The following ANKRD31 variants were observed in gnomAD, a reference collection of about 807,000 sequenced individuals.
ANKRD31 encodes the protein ankyrin repeat domain 31.
Under a neutral mutation model 186.0 loss-of-function variants are expected in ANKRD31, and 147 were observed. The observed-to-expected ratio is 0.79, with a 90% CI of 0.69 to 0.91. The LOEUF (loss-of-function observed/expected upper bound fraction) is 0.91, where lower values mean the gene tolerates loss of function less well. ANKRD31 is among the 40% of genes least tolerant of loss of function. ANKRD31 has a pLI of 0.00. For synonymous variants in ANKRD31, 673 were observed against 736.4 expected (o/e 0.91, Z 1.39); for missense variants, 1,986 against 2,148.8 (o/e 0.92, Z 1.50).
intron 16 of ANKRD31, among the ~76,000 whole-genome samples, chr5:75,138,529 GA>G (rs1180088416): frequency 2.0e-5 from 3 of 152,144 alleles, no homozygotes; most frequent in Non-Finnish European, 2.9e-5. Flanking sequence ...AGGAGAATGA[GA>G]AAATTCTGCA....
chr5:75,099,675 C>A (rs1004334741), intron 22 of ANKRD31, among the ~76,000 whole-genome samples: 2 of 152,034 alleles, frequency 1.3e-5, no homozygotes, highest in African/African-American at 2.4e-5. Flanking sequence ...TGTATGTGTC[C>A]AGGAATTTAT....
chr5:75,107,638 AG>A, intron 20 of ANKRD31, 21 bp from the exon 21 acceptor site: 3 of 1,438,690 alleles, frequency 2.1e-6, no homozygotes, highest in Non-Finnish European at 2.8e-6. Context: ...GACAATAAAA[AG>A]TTAGCTAACT....
chr5:75,230,596 G>A lies in ANKRD31; in HGVS notation c.144C>T (p.Phe48=), dbSNP rs1757887217. 2.0e-6 allele frequency: 3 copies of A among 1,536,834 alleles called. No individual in the cohort carries two copies. The highest frequency in any genetic ancestry group is 2.6e-6 in the Non-Finnish European group (3 of 1,146,748). The change falls in exon 2 of 26, where the codon TTC becomes TTT. Residue 48 remains phenylalanine, a synonymous_variant. Coordinates refer to ENST00000506364, the MANE Select transcript of ANKRD31 (RefSeq NM_001372053.1). The part of the protein sequence containing the change: ...FDQDASLKSE[F]SLHPDTRGMC... ...TTCCTCTTGTATCAGGATGCAGACT[G>A]AACTCAGATTTAAGAGATGCGTCTT...
chr5:75,146,773 C>A lies in ANKRD31; in HGVS notation c.2638G>T (p.Asp880Tyr). ...TTTTCCCATTTGTTAAATCTCTCAT[C>A]TTTTGGGACCAAGTTACTGTTTTCA... The part of the protein sequence containing the change: ...SHENSNLVPK[D>Y]ERFNKWENSF... Residue 880 changes from aspartate (D) to tyrosine (Y), a missense_variant, in exon 14 of 26, where the codon GAT (aspartate) becomes TAT (tyrosine). Coordinates refer to ENST00000506364, the MANE Select transcript of ANKRD31 (RefSeq NM_001372053.1). 6.5e-7 allele frequency: 1 copy of A among 1,536,220 alleles called. No homozygotes were observed. The highest frequency in any genetic ancestry group is 8.7e-7 in the Non-Finnish European group (1 of 1,146,300).
In ANKRD31 at chr5:75,116,182, T is replaced by C. The variant is rs893220453; in HGVS notation, c.4155+384A>G. 1.4e-4 allele frequency among the ~76,000 whole-genome samples: 21 copies of C among 145,128 alleles called. No individual in the cohort carries two copies. In the South Asian group the frequency reaches 2.2e-3, roughly 15 times the overall value. On this transcript the variant is annotated intron_variant, in intron 19 of 25. Coordinates refer to ENST00000506364, the MANE Select transcript of ANKRD31 (RefSeq NM_001372053.1). ...GAACAAAAAACCAAACACCGCATAT[T>C]CTCACTCATAGGTGGGAATTGAACA...
In ANKRD31 at chr5:75,115,853, A is replaced by G. The variant is rs576110561; in HGVS notation, c.4155+713T>C. ...AACCATTGTGCAAGTCAGTGTGGCG[A>G]TTCCTCAGGGATCTAGAACTAGAAA... On this transcript the variant is annotated intron_variant, in intron 19 of 25. Transcript: ENST00000506364. 3.9e-5 allele frequency among the ~76,000 whole-genome samples: 6 copies of G among 152,190 alleles called. No homozygotes were observed. In the South Asian group the frequency reaches 1.3e-3, roughly 32 times the overall value.
intron 4 of ANKRD31, among the ~76,000 whole-genome samples, chr5:75,207,124 TA>T (rs1048489346): frequency 4.6e-5 from 7 of 150,940 alleles, no homozygotes; most frequent in Non-Finnish European, 7.4e-5. Context: ...TACCTTCCTT[TA>T]AAAAAAAAGC....
chr5:75,118,416 G>A, intron 17 of ANKRD31, 119 bp from the exon 18 acceptor site: 1 of 1,012,862 alleles, frequency 9.9e-7, no homozygotes, highest in South Asian at 2.4e-5. Flanking sequence ...TCAAACTCAG[G>A]TCAAGAAAAT....
Position 75,147,160 on chromosome 5 carries a change from G to T in ANKRD31, c.2251C>A (p.Leu751Ile). 2 of 1,536,316 alleles carry T rather than the reference G, an allele frequency of 1.3e-6. No homozygotes were observed. The highest frequency in any genetic ancestry group is 1.7e-6 in the Non-Finnish European group (2 of 1,146,306). Reference protein sequence around the residue: ...DDVDCNPRKILAVSPSRRINR... With the variant: ...DDVDCNPRKIIAVSPSRRINR... The stretch of plus-strand genomic sequence containing the variant: ...ATTCTCCTGGAAGGAGAGACAGCTA[G>T]TATCTTTCTTGGATTACAGTCTACA... The change falls in exon 14 of 26, where the codon CTA becomes ATA. Residue 751 changes from leucine (L) to isoleucine (I), a missense_variant. Physicochemically the swap from Leu to Ile is conservative, Grantham distance 5. Transcript: ENST00000506364.
At chr5:75,192,887 C>A in intron 8 of ANKRD31, 111 bp from the exon 9 acceptor site, 1 of 857,254 alleles carries the variant, frequency 1.2e-6, no homozygotes, top group Non-Finnish European at 1.8e-6. Flanking sequence ...TTTTACTGAG[C>A]TGTTCTCAAG....
chr5:75,187,096 C>A (rs1279768096), intron 10 of ANKRD31, among the ~76,000 whole-genome samples: 1 of 100,006 alleles, frequency 1.0e-5, no homozygotes, highest in Non-Finnish European at 1.9e-5. Flanking sequence ...ACAAACATTG[C>A]CGGTGATTCT....
chr5:75,162,594 A>G (rs1434755396), intron 11 of ANKRD31, among the ~76,000 whole-genome samples: 1 of 152,142 alleles, frequency 6.6e-6, no homozygotes, highest in Non-Finnish European at 1.5e-5. Context: ...ATGTGAGGAC[A>G]TGAGATTTAG....
intron 11 of ANKRD31, among the ~76,000 whole-genome samples, chr5:75,160,855 T>C (rs1199497314): frequency 6.6e-6 from 1 of 152,218 alleles, no homozygotes; most frequent in Non-Finnish European, 1.5e-5. Context: ...AGGGGAAATC[T>C]ATTTCTCTTG....
intron 20 of ANKRD31, among the ~76,000 whole-genome samples, chr5:75,108,854 A>T (rs1427853008): frequency 1.3e-5 from 2 of 152,194 alleles, no homozygotes; most frequent in African/African-American, 4.8e-5. Context: ...GACATTTTAA[A>T]TTATCTATGT....
intron 25 of ANKRD31, among the ~76,000 whole-genome samples, chr5:75,074,078 T>C (rs1019285749): frequency 1.3e-5 from 2 of 152,170 alleles, no homozygotes; most frequent in African/African-American, 2.4e-5. Context: ...ATACATATAC[T>C]TCTCAATTTC....
intron 10 of ANKRD31, among the ~76,000 whole-genome samples, chr5:75,172,365 T>A (rs1439433966): frequency 3.4e-5 from 5 of 145,394 alleles, no homozygotes; most frequent in South Asian, 2.1e-4. Flanking sequence ...AAACTCTATT[T>A]AAAAAAAAAA....
chr5:75,070,224 A>G (rs1021455612), intron 25 of ANKRD31, among the ~76,000 whole-genome samples: 1 of 152,156 alleles, frequency 6.6e-6, no homozygotes, highest in Non-Finnish European at 1.5e-5. Context: ...AAAGTTAAGG[A>G]ATATTTTTTT....
At chr5:75,156,495 C>T (rs1304284718) in intron 11 of ANKRD31, among the ~76,000 whole-genome samples, 5 of 152,224 alleles carry the variant, frequency 3.3e-5, no homozygotes, top group Non-Finnish European at 7.3e-5. Flanking sequence ...CCCCCTCATC[C>T]ACCCTCACCA....
intron 25 of ANKRD31, among the ~76,000 whole-genome samples, chr5:75,079,825 G>A (rs984567151): frequency 3.5e-4 from 54 of 152,150 alleles, no homozygotes; most frequent in Non-Finnish European, 7.4e-4. Context: ...ATTCAGGTCT[G>A]GGCATGGTGG....
Sources: gnomAD v4.1 joint callset for allele counts (sites outside exome capture counted in the v4.1 genomes callset) on GRCh38, gnomAD v4.1.1 for gene constraint, MANE v1.5 for transcripts, NCBI Gene and HGNC (gene_info 2026-07-23, HGNC 2026-07-21) for gene names.